The following KIF16B variants were observed in gnomAD, a reference collection of about 807,000 sequenced individuals.
The protein encoded by KIF16B is kinesin family member 16B.
A neutral mutation model predicts 156.3 loss-of-function variants in KIF16B; 98 were observed. That is an observed-to-expected ratio of 0.63 (90% CI 0.53 to 0.74). The LOEUF is 0.74. KIF16B is among the 30% of genes least tolerant of loss of function. The pLI, the probability that KIF16B is intolerant of heterozygous loss-of-function variation, is 0.00. For missense variants in KIF16B, 1,421 were observed against 1,606.5 expected, an observed-to-expected ratio of 0.88 and a Z score of 1.97; for synonymous variants, 564 against 583.7, an observed-to-expected ratio of 0.97 and a Z score of 0.49.
intron 1 of KIF16B, among the ~76,000 whole-genome samples, chr20:16,534,810 T>C (rs2069894844): frequency 6.6e-6 from 1 of 152,152 alleles, no homozygotes; most frequent in South Asian, 2.1e-4. Flanking sequence ...GTTGAAAATA[T>C]GTGGATTTAT....
intron 24 of KIF16B, among the ~76,000 whole-genome samples, chr20:16,330,542 G>A (rs2208058): frequency 0.72 from 109,348 of 152,168 alleles, 40,245 homozygotes; most frequent in East Asian, 0.96. Context: ...AGACATATAG[G>A]TATGTTCAAG....
rs1054212464 is a variant in KIF16B at position 16,374,204 on chromosome 20, A to G, written c.3350+53T>C. On this transcript the variant is annotated intron_variant, in intron 20 of 25. Transcript: ENST00000354981. ...AAAGTAGTTCAACAGAGAAACAATG[A>G]GTCCTTGAGTCACATCAAATGAGAA... The G allele has an allele frequency of 5.6e-6, 8 of 1,431,128 alleles. No homozygotes were observed. In the Admixed American group the frequency reaches 9.7e-5, roughly 17 times the overall value. The allele number at this position is 1,431,128 out of a possible 1,614,324, so 88.7% of individuals were successfully genotyped here. A position where few individuals can be genotyped will look rare whatever the true frequency, so the allele number is the denominator to read the frequency against.
At chr20:16,534,259 A>T (rs1441149362) in intron 1 of KIF16B, among the ~76,000 whole-genome samples, 4 of 52,418 alleles carry the variant, frequency 7.6e-5, no homozygotes, top group African/African-American at 1.9e-4. Flanking sequence ...TGTCTCAAAT[A>T]AAAAAAAAAA....
At chr20:16,569,470 G>C (rs909303296) in intron 1 of KIF16B, among the ~76,000 whole-genome samples, 1 of 152,140 alleles carries the variant, frequency 6.6e-6, no homozygotes, top group Non-Finnish European at 1.5e-5. Flanking sequence ...CCACATAATT[G>C]AAAGCCATAA....
At chr20:16,372,313 G>A (rs2064841461) in intron 20 of KIF16B, among the ~76,000 whole-genome samples, 1 of 152,124 alleles carries the variant, frequency 6.6e-6, no homozygotes, top group South Asian at 2.1e-4. Context: ...GGTCTGTCTC[G>A]TCTCTCCAAA....
chr20:16,537,030 C>G (rs2069994735), intron 1 of KIF16B, among the ~76,000 whole-genome samples: 1 of 152,088 alleles, frequency 6.6e-6, no homozygotes, highest in East Asian at 1.9e-4. Flanking sequence ...AGGCCCTGTC[C>G]CAGGTCAGGC....
At chr20:16,437,210 T>G (rs528899084) in intron 12 of KIF16B, among the ~76,000 whole-genome samples, 14 of 152,178 alleles carry the variant, frequency 9.2e-5, no homozygotes, top group African/African-American at 1.2e-4. Context: ...ATATCAGCAA[T>G]AGTACAGCAT....
At chr20:16,282,559 G>A (rs2063162213) in intron 25 of KIF16B, among the ~76,000 whole-genome samples, 5 of 152,002 alleles carry the variant, frequency 3.3e-5, no homozygotes, top group African/African-American at 9.7e-5. Flanking sequence ...AATCAAGCAG[G>A]TGAAGACATT....
At chr20:16,572,356 T>C (rs1285135336) in intron 1 of KIF16B, among the ~76,000 whole-genome samples, 1 of 152,210 alleles carries the variant, frequency 6.6e-6, no homozygotes, top group African/African-American at 2.4e-5. Context: ...AAAGGCCCTA[T>C]GGTAAGTCAA....
chr20:16,566,923 CA>C (rs1410254755), intron 1 of KIF16B, among the ~76,000 whole-genome samples: 1 of 152,172 alleles, frequency 6.6e-6, no homozygotes, highest in Non-Finnish European at 1.5e-5. Flanking sequence ...ATCAAAAACC[CA>C]AATGCCCAGG....
At chr20:16,495,886 T>C (rs2068438467) in intron 11 of KIF16B, among the ~76,000 whole-genome samples, 2 of 152,160 alleles carry the variant, frequency 1.3e-5, no homozygotes, top group Non-Finnish European at 2.9e-5. Flanking sequence ...AGAGGAGGTC[T>C]CATCATGTCA....
At chr20:16,450,910 T>G (rs2067062676) in intron 12 of KIF16B, among the ~76,000 whole-genome samples, 1 of 152,168 alleles carries the variant, frequency 6.6e-6, no homozygotes, top group Non-Finnish European at 1.5e-5. Flanking sequence ...CAGGTTATAG[T>G]TTACTATTTT....
rs73898491 is a variant in KIF16B at position 16,329,563 on chromosome 20, T to A, written c.3711+6363A>T. 3.6e-3 allele frequency among the ~76,000 whole-genome samples: 554 copies of A among 152,328 alleles called. 4 individuals are homozygous for A. The highest frequency in any genetic ancestry group is 0.027 in the Middle Eastern group (8 of 294). On this transcript the variant is annotated intron_variant, in intron 24 of 25. Coordinates refer to ENST00000354981, the MANE Select transcript of KIF16B (RefSeq NM_024704.5). ...CATAGTTGCTTTCAATAACACATTGTATCTGAGGCTCTCACAATCTTCTAC... is the reference window on the plus strand; with the variant it reads ...CATAGTTGCTTTCAATAACACATTGAATCTGAGGCTCTCACAATCTTCTAC...
intron 3 of KIF16B, among the ~76,000 whole-genome samples, chr20:16,524,198 T>C (rs576402234): frequency 6.6e-6 from 1 of 152,322 alleles, no homozygotes; most frequent in Non-Finnish European, 1.5e-5. Context: ...CTAAAGAGCT[T>C]CTGCCCAGCA....
chr20:16,334,050 T>A lies in KIF16B; in HGVS notation c.3711+1876A>T, dbSNP rs572501880. ...AAGAAGAAATTTTTGTTCTTGTCTG[T>A]CACAGTCTTACTGGAATCCAGAAAA... is the stretch of plus-strand genomic sequence containing the variant. On this transcript the variant is annotated intron_variant, in intron 24 of 25. Transcript: ENST00000354981. Among the ~76,000 whole-genome samples the A allele has an allele frequency of 1.2e-3, 186 of 152,356 alleles. 1 individual carries two copies. Among genetic ancestry groups the A allele is most frequent in the African/African-American group, 4.0e-3 (167 of 41,592 alleles).
intron 25 of KIF16B, among the ~76,000 whole-genome samples, chr20:16,276,754 C>G (rs1268223837): frequency 6.6e-6 from 1 of 152,188 alleles, no homozygotes; most frequent in African/African-American, 2.4e-5. Context: ...CTAGAAAGTT[C>G]TTAAGGTCAC....
chr20:16,330,957 G>A (rs2063937640), intron 24 of KIF16B, among the ~76,000 whole-genome samples: 1 of 152,238 alleles, frequency 6.6e-6, no homozygotes, highest in Admixed American at 6.5e-5. Flanking sequence ...AGTGAGGCAA[G>A]AACAGCTCTC....
intron 15 of KIF16B, among the ~76,000 whole-genome samples, chr20:16,421,970 C>T (rs973616269): frequency 4.6e-5 from 7 of 151,828 alleles, no homozygotes; most frequent in African/African-American, 1.2e-4. Context: ...CAGTACTGTC[C>T]GAGGAAAAGT....
chr20:16,341,991 G>T (rs1376859578), intron 23 of KIF16B, among the ~76,000 whole-genome samples: 2 of 152,080 alleles, frequency 1.3e-5, no homozygotes, highest in African/African-American at 4.8e-5. Context: ...CTTCTGAACG[G>T]CCTCCTCAAC....
Sources: gnomAD v4.1 joint callset for allele counts (sites outside exome capture counted in the v4.1 genomes callset) on GRCh38, gnomAD v4.1.1 for gene constraint, MANE v1.5 for transcripts, NCBI Gene and HGNC (gene_info 2026-07-23, HGNC 2026-07-21) for gene names.